The following EPHA4 variants were observed in gnomAD, a reference collection of about 807,000 sequenced individuals.
EPHA4 encodes the protein EPH receptor A4, also known as ephrin type-A receptor 4.
Under a neutral mutation model 108.3 loss-of-function variants are expected in EPHA4, and 19 were observed. The ratio of observed to expected loss-of-function variants is 0.18; its 90% CI spans 0.12 to 0.26. The LOEUF (loss-of-function observed/expected upper bound fraction) is 0.26. Among genes scored for constraint, EPHA4 ranks in the 10% least tolerant of loss-of-function variants. EPHA4 has a pLI of 1.00. For missense variants in EPHA4, 917 were observed against 1,254.0 expected (o/e 0.73, Z 4.06); for synonymous variants, 449 against 455.5 (o/e 0.99, Z 0.18).
At position 221,503,563 on chromosome 2, in the gene EPHA4, G is replaced by A. The variant is rs187567939; in HGVS notation, c.824-2391C>T. Among the ~76,000 whole-genome samples the A allele has an allele frequency of 9.2e-4, 140 of 152,172 alleles. 2 individuals are homozygous for A. The highest frequency in any genetic ancestry group is 7.5e-3 in the Admixed American group (114 of 15,284). Reference sequence around the variant, plus strand: ...TTTACATTTTTTCCTATTTTTCCTCGAAGCTGGTATTAATATGTCACCAGG... The same window carrying A: ...TTTACATTTTTTCCTATTTTTCCTCAAAGCTGGTATTAATATGTCACCAGG... On this transcript the variant is annotated intron_variant, in intron 3 of 17. Coordinates refer to ENST00000281821, the MANE Select transcript of EPHA4 (RefSeq NM_004438.5).
At chr2:221,536,865 A>G (rs1281187334) in intron 3 of EPHA4, among the ~76,000 whole-genome samples, 1 of 152,200 alleles carries the variant, frequency 6.6e-6, no homozygotes, top group Non-Finnish European at 1.5e-5. Context: ...TTCCTCATCT[A>G]TGAAAAGAGG....
intron 11 of EPHA4, among the ~76,000 whole-genome samples, chr2:221,441,999 G>A (rs1211156908): frequency 6.6e-6 from 1 of 152,118 alleles, no homozygotes; most frequent in Admixed American, 6.5e-5. Flanking sequence ...CCATTACTCT[G>A]CACACGCTGA....
At chr2:221,464,549 C>T (rs1001612847) in intron 5 of EPHA4, among the ~76,000 whole-genome samples, 5 of 152,322 alleles carry the variant, frequency 3.3e-5, no homozygotes, top group African/African-American at 4.8e-5. Flanking sequence ...CCTATGGCAT[C>T]AAACATCACT....
At chr2:221,485,207 A>G (rs1053309462) in intron 4 of EPHA4, among the ~76,000 whole-genome samples, 1 of 152,232 alleles carries the variant, frequency 6.6e-6, no homozygotes, top group Non-Finnish European at 1.5e-5. Context: ...GGGGCACGGC[A>G]GTGTCTAAAC....
intron 3 of EPHA4, among the ~76,000 whole-genome samples, chr2:221,538,859 C>T (rs1299423607): frequency 1.3e-5 from 2 of 152,146 alleles, no homozygotes; most frequent in Admixed American, 6.5e-5. Context: ...TTTGTTTCTT[C>T]GTTCATTTCA....
intron 3 of EPHA4, among the ~76,000 whole-genome samples, chr2:221,556,818 T>C (rs1282586027): frequency 6.6e-6 from 1 of 152,208 alleles, no homozygotes; most frequent in Non-Finnish European, 1.5e-5. Context: ...AATTGTTCTA[T>C]TTTATTATTG....
At chr2:221,524,232 A>G (rs1047822797) in intron 3 of EPHA4, among the ~76,000 whole-genome samples, 5 of 152,308 alleles carry the variant, frequency 3.3e-5, no homozygotes, top group Non-Finnish European at 7.3e-5. Context: ...TGCTAACTCC[A>G]CTTCTTAGCA....
In EPHA4 at chr2:221,443,522, C is replaced by A; in HGVS notation, c.1859G>T (p.Cys620Phe). The A allele has an allele frequency of 1.9e-6, 3 of 1,613,844 alleles. No homozygotes were observed. The highest frequency in any genetic ancestry group is 2.5e-6 in the Non-Finnish European group (3 of 1,179,892). Residue 620 changes from cysteine (C) to phenylalanine (F), a missense_variant, in exon 10 of 18, where the codon TGC (cysteine) becomes TTC (phenylalanine). Transcript: ENST00000281821. ...TCCTATAACTTTTTCAATCTTAATG[C>A]AGGATGCGTCAATTTCTTTGGCAAA... Reference protein sequence around the residue: ...REFAKEIDASCIKIEKVIGVG... With the variant: ...REFAKEIDASFIKIEKVIGVG...
At chr2:221,563,372 A>G (rs145595156) in intron 3 of EPHA4, among the ~76,000 whole-genome samples, 110 of 152,360 alleles carry the variant, frequency 7.2e-4, no homozygotes, top group Middle Eastern at 3.4e-3. Context: ...CCAAGTCCAT[A>G]GACAGGAAAA....
rs907409260 is a variant in EPHA4, at chr2:221,547,102, T to G, written c.823+16629A>C. 2.6e-5 allele frequency among the ~76,000 whole-genome samples: 4 copies of G among 152,220 alleles called. No homozygotes were observed. The South Asian group carries it at 8.3e-4, about 31-fold the overall frequency. Reference sequence around the variant, plus strand: ...TGTGGATGCTACAGGAAGTGACAAGTACCTCCAACAGCAATTGCTTCTTCC... The same window carrying G: ...TGTGGATGCTACAGGAAGTGACAAGGACCTCCAACAGCAATTGCTTCTTCC... On this transcript the variant is annotated intron_variant, in intron 3 of 17. Transcript: ENST00000281821.
intron 4 of EPHA4, among the ~76,000 whole-genome samples, chr2:221,497,233 A>T (rs1297560696): frequency 6.6e-6 from 1 of 152,160 alleles, no homozygotes; most frequent in Non-Finnish European, 1.5e-5. Flanking sequence ...TTCATTCTTA[A>T]AACAGCCCCA....
chr2:221,505,537 G>T (rs568792372), intron 3 of EPHA4, among the ~76,000 whole-genome samples: 34 of 152,012 alleles, frequency 2.2e-4, no homozygotes, highest in Non-Finnish European at 5.0e-4. Context: ...TGTTAGTCAG[G>T]CTGGTTTTGA....
intron 3 of EPHA4, among the ~76,000 whole-genome samples, chr2:221,525,138 A>C (rs1368126463): frequency 6.6e-6 from 1 of 152,216 alleles, no homozygotes; most frequent in Non-Finnish European, 1.5e-5. Flanking sequence ...TTGACGATGC[A>C]GACTAGACCA....
At chr2:221,457,812 A>T in intron 6 of EPHA4, 54 bp downstream of exon 6, 2 of 1,585,602 alleles carry the variant, frequency 1.3e-6, no homozygotes, top group South Asian at 2.3e-5. Context: ...AAGAAAACAA[A>T]GAAGGAAGGA....
At chr2:221,443,414 G>A (rs1396158119) in intron 10 of EPHA4, 79 bp downstream of exon 10, 6 of 1,058,686 alleles carry the variant, frequency 5.7e-6, no homozygotes, top group Non-Finnish European at 8.6e-6. Context: ...ACTCACAAAA[G>A]CATTTATGTA....
intron 3 of EPHA4, among the ~76,000 whole-genome samples, chr2:221,523,028 G>T (rs1693217962): frequency 6.6e-6 from 1 of 152,258 alleles, no homozygotes; most frequent in East Asian, 1.9e-4. Context: ...CTCCCAAAGT[G>T]CTGGGATTAC....
chr2:221,531,878 TA>T (rs1693530092), intron 3 of EPHA4, among the ~76,000 whole-genome samples: 1 of 152,200 alleles, frequency 6.6e-6, no homozygotes, highest in Non-Finnish European at 1.5e-5. Context: ...TGAGAGTCTT[TA>T]AAGACAAATA....
Position 221,426,635 on chromosome 2 carries a change from G to A in EPHA4, c.2691-16C>T. 2 of 1,607,472 alleles carry A rather than the reference G, an allele frequency of 1.2e-6. No homozygotes were observed. Among genetic ancestry groups the A allele is most frequent in the Non-Finnish European group, 1.7e-6 (2 of 1,177,970 alleles). On this transcript the variant is annotated splice_polypyrimidine_tract_variant and intron_variant, in intron 15 of 17. Transcript: ENST00000281821. Reference sequence around the variant, plus strand: ...AGTGTTAGGTCTAGAAAGAGAACAAGAAAATATAAGCAGAACGGAGCTACC... The same window carrying A: ...AGTGTTAGGTCTAGAAAGAGAACAAAAAAATATAAGCAGAACGGAGCTACC...
At chr2:221,468,835 G>T (rs558483253) in intron 5 of EPHA4, among the ~76,000 whole-genome samples, 2 of 152,160 alleles carry the variant, frequency 1.3e-5, no homozygotes, top group African/African-American at 2.4e-5. Flanking sequence ...TGATCATTCC[G>T]CTAAAAGAGC....
Sources: allele counts gnomAD v4.1 joint callset (sites outside exome capture counted in the v4.1 genomes callset), GRCh38; gene constraint gnomAD v4.1.1; transcripts MANE v1.5; gene names NCBI Gene and HGNC (gene_info 2026-07-23, HGNC 2026-07-21).